Variants in SORBS3 observed in about 807,000 individuals in gnomAD.
The protein encoded by SORBS3 is vinexin.
Under a neutral mutation model 98.0 loss-of-function variants are expected in SORBS3, and 69 were observed. That is an observed-to-expected ratio of 0.70 (90% CI 0.58 to 0.86). The LOEUF is 0.86. SORBS3 is among the 40% of genes least tolerant of loss of function. SORBS3 has a pLI of 0.00. For synonymous variants in SORBS3, 394 were observed against 355.4 expected, an observed-to-expected ratio of 1.11 and a Z score of -1.22; for missense variants, 954 against 908.5, an observed-to-expected ratio of 1.05 and a Z score of -0.64.
Position 22,566,604 on chromosome 8 carries a change from G to C in SORBS3, c.1091-57G>C, listed in dbSNP as rs138939984. ...CTGCCAGTGCCTGCCCTAGGTGGGG[G>C]TGCAACCCCATCCCCCAGGTATGGC... is the stretch of plus-strand genomic sequence containing the variant. On this transcript the variant is annotated intron_variant, in intron 13 of 20. Coordinates refer to ENST00000240123, the MANE Select transcript of SORBS3 (RefSeq NM_005775.5). The C allele has an allele frequency of 1.2e-4, 191 of 1,580,364 alleles. No individual in the cohort carries two copies. In the Middle Eastern group the frequency reaches 2.9e-3, roughly 24 times the overall value.
chr8:22,571,066 T>A lies in SORBS3; in HGVS notation c.1588T>A (p.Ser530Thr). 1 of 1,612,230 alleles carries A rather than the reference T, an allele frequency of 6.2e-7. No individual in the cohort carries two copies. Among genetic ancestry groups the A allele is most frequent in the South Asian group, 1.1e-5 (1 of 90,988 alleles). ...TGACGACGGCCCCCAGCTCCCCACG[T>A]CTCCCCGCCTGACCGCTGCCGCCCG... ...LCDDGPQLPT[S>T]PRLTAAARSA... Residue 530 changes from serine (S) to threonine (T), a missense_variant, in exon 18 of 21, where the codon TCT becomes ACT. Transcript: ENST00000240123.
Position 22,561,949 on chromosome 8 carries a change from G to A in SORBS3, c.584+18G>A. 4 of 1,613,228 alleles carry A rather than the reference G, an allele frequency of 2.5e-6. No individual in the cohort carries two copies. The highest frequency in any genetic ancestry group is 3.4e-6 in the Non-Finnish European group (4 of 1,179,458). On this transcript the variant is annotated intron_variant, in intron 7 of 20. Coordinates refer to ENST00000240123, the MANE Select transcript of SORBS3 (RefSeq NM_005775.5). Reference sequence around the variant, plus strand: ...TCCAGTGGGTGAGCACAGTGGGGCGGGGCCGAGGGCTGCGGAGGGGCGCGG... The same window carrying A: ...TCCAGTGGGTGAGCACAGTGGGGCGAGGCCGAGGGCTGCGGAGGGGCGCGG...
intron 8 of SORBS3, 59 bp downstream of exon 8, chr8:22,564,136 C>G (rs1840353398): frequency 6.5e-7 from 1 of 1,549,448 alleles, no homozygotes; most frequent in African/African-American, 1.4e-5. Flanking sequence ...GGCCAAGACC[C>G]TATGCCACGA....
At position 22,574,692 on chromosome 8, in the gene SORBS3, C is replaced by A. The variant is rs752806921; in HGVS notation, c.1980C>A (p.Phe660Leu). The A allele has an allele frequency of 6.2e-7, 1 of 1,611,608 alleles. No homozygotes were observed. Among genetic ancestry groups the A allele is most frequent in the Non-Finnish European group, 8.5e-7 (1 of 1,178,798 alleles). The change falls in exon 21 of 21, where the codon TTC becomes TTA. Residue 660 changes from phenylalanine to leucine, a missense_variant. Coordinates refer to ENST00000240123, the MANE Select transcript of SORBS3 (RefSeq NM_005775.5). ...GTGTCTCCCGGAGGACCCAGAAATT[C>A]GGAACGTTCCCTGGAAATTACGTTG... Reference protein sequence around the residue: ...FVGVSRRTQKFGTFPGNYVAP... With the variant: ...FVGVSRRTQKLGTFPGNYVAP...
At chr8:22,568,720 C>T (rs1361098015) in intron 16 of SORBS3, among the ~76,000 whole-genome samples, 1 of 152,118 alleles carries the variant, frequency 6.6e-6, no homozygotes, top group Non-Finnish European at 1.5e-5. Flanking sequence ...GGAGGAAGAA[C>T]CGAGACGCTG....
At chr8:22,549,697 C>G (rs1438980684), upstream of SORBS3, among the ~76,000 whole-genome samples, 1 of 152,168 alleles carries the variant, frequency 6.6e-6, no homozygotes. Context: ...CAAAGCGGCT[C>G]AGGAAGAAAG....
At chr8:22,560,117 G>A (rs1243598492) in intron 5 of SORBS3, among the ~76,000 whole-genome samples, 1 of 152,024 alleles carries the variant, frequency 6.6e-6, no homozygotes, top group African/African-American at 2.4e-5. Flanking sequence ...AATTCTAGTG[G>A]GGAAACTTTA....
In SORBS3 at chr8:22,571,643, G is replaced by C. The variant is rs767466626; in HGVS notation, c.1744-75G>C. The C allele has an allele frequency of 2.6e-6, 3 of 1,147,828 alleles. No homozygotes were observed. The South Asian group carries it at 3.7e-5, about 14-fold the overall frequency. The allele number at this position is 1,147,828 out of a possible 1,614,324, so 71.1% of individuals were successfully genotyped here. On this transcript the variant is annotated intron_variant, in intron 18 of 20. Coordinates refer to ENST00000240123, the MANE Select transcript of SORBS3 (RefSeq NM_005775.5). ...AGGTGGACTGGGAACGCCCATTTTGGGCCTCCTCCCTCAGGCTTACATGTA... is the reference window on the plus strand; with the variant it reads ...AGGTGGACTGGGAACGCCCATTTTGCGCCTCCTCCCTCAGGCTTACATGTA...
At position 22,570,885 on chromosome 8, in the gene SORBS3, C is replaced by T. The variant is rs779100953; in HGVS notation, c.1432-25C>T. 2.6e-6 allele frequency: 4 copies of T among 1,566,550 alleles called. No individual in the cohort carries two copies. In the African/African-American group the frequency reaches 4.0e-5, roughly 16 times the overall value. ...GGTCCATGGCACCAGGAAGGCCCCA[C>T]AGACACTGACTTTTCCCCCCTCAGG... On this transcript the variant is annotated intron_variant, in intron 17 of 20. Coordinates refer to ENST00000240123, the MANE Select transcript of SORBS3 (RefSeq NM_005775.5).
rs1840706316 is a variant in SORBS3, at chr8:22,575,272, T to A, written c.*544T>A. 1 of 282,056 alleles carries A rather than the reference T, an allele frequency of 3.5e-6. No individual in the cohort carries two copies. 17.5% of individuals were successfully genotyped at this position (282,056 alleles called of 1,614,324 possible). On this transcript the variant is annotated 3_prime_UTR_variant, in exon 21 of 21. Transcript: ENST00000240123. ...CAGACGCAGCACCTTCTTAGCGATC[T>A]AGGCCTGGCAAGAGCTCTGGCCCCA...
chr8:22,545,159 G>C (rs1258157190), intron 1 of SORBS3: 1 of 152,342 alleles, frequency 6.6e-6, no homozygotes, highest in African/African-American at 2.4e-5. Context: ...GGAAGGCCCA[G>C]CAGTGGATTG....
chr8:22,574,571 C>A, intron 20 of SORBS3, 96 bp from the exon 21 acceptor site: 1 of 1,224,198 alleles, frequency 8.2e-7, no homozygotes, highest in Non-Finnish European at 1.2e-6. Context: ...AACTCCCCTA[C>A]AGTTCTGGGC....
upstream of SORBS3, among the ~76,000 whole-genome samples, chr8:22,548,112 C>T (rs1563807822): frequency 6.6e-6 from 1 of 152,222 alleles, no homozygotes; most frequent in Non-Finnish European, 1.5e-5. Flanking sequence ...TATTTTTTCA[C>T]TCAGATCCCT....
chr8:22,572,576 A>C (rs1840618194), intron 20 of SORBS3, 130 bp downstream of exon 20: 2 of 741,186 alleles, frequency 2.7e-6, no homozygotes, highest in Non-Finnish European at 4.5e-6. Context: ...CGGCCGGGCT[A>C]CTGGGGGGGC....
Position 22,565,260 on chromosome 8 carries a change from GC to G in SORBS3, c.817-3del, listed in dbSNP as rs1458807762. On this transcript the variant is annotated splice_polypyrimidine_tract_variant and splice_region_variant and intron_variant, in intron 10 of 20. Transcript: ENST00000240123. ...GCCCCTCACTGCCCAGCCTCTCCCC[GC>G]CCCCAGGTGCTGCTGGAGAGAGAGC... The G allele has an allele frequency of 6.5e-6, 10 of 1,549,812 alleles. No individual in the cohort carries two copies. The African/African-American group carries it at 1.2e-4, about 19-fold the overall frequency.
chr8:22,565,076 G>A, intron 10 of SORBS3, 192 bp from the exon 11 acceptor site: 2 of 1,433,522 alleles, frequency 1.4e-6, no homozygotes, highest in Non-Finnish European at 1.8e-6. Flanking sequence ...CTGGGCAGGT[G>A]AGAGGCCGTG....
At chr8:22,562,766 T>C (rs1170211929) in intron 7 of SORBS3, among the ~76,000 whole-genome samples, 1 of 152,242 alleles carries the variant, frequency 6.6e-6, no homozygotes, top group African/African-American at 2.4e-5. Context: ...GTGTGTATCA[T>C]GCATCATGTT....
At chr8:22,556,131 G>A (rs182973167) in intron 3 of SORBS3, among the ~76,000 whole-genome samples, 86 of 152,316 alleles carry the variant, frequency 5.6e-4, no homozygotes, top group Non-Finnish European at 7.6e-4. Flanking sequence ...TAACACTTAT[G>A]GGTAAGTTGA....
At chr8:22,552,817 C>A (rs539937232) in intron 1 of SORBS3, among the ~76,000 whole-genome samples, 26 of 152,190 alleles carry the variant, frequency 1.7e-4, no homozygotes, top group East Asian at 1.2e-3. Flanking sequence ...TGCCTCAACT[C>A]CCCCCCGCAA....
Sources: allele counts gnomAD v4.1 joint callset (sites outside exome capture counted in the v4.1 genomes callset), GRCh38; gene constraint gnomAD v4.1.1; transcripts MANE v1.5; gene names NCBI Gene and HGNC (gene_info 2026-07-23, HGNC 2026-07-21).